The following ROBO2 variants were observed in gnomAD, a reference collection of about 807,000 sequenced individuals.
ROBO2 encodes the protein roundabout guidance receptor 2.
A neutral mutation model predicts 160.8 loss-of-function variants in ROBO2; 53 were observed. The observed-to-expected ratio is 0.33, with a 90% CI of 0.26 to 0.41. ROBO2 has a LOEUF of 0.41. Among genes scored for constraint, ROBO2 ranks in the 10% least tolerant of loss-of-function variants. The probability of loss-of-function intolerance (pLI) is 1.00; values close to 1 mark genes in which losing one functional copy is unlikely to be tolerated. For missense variants in ROBO2, 1,577 were observed against 1,722.4 expected (o/e 0.92, Z 1.49); for synonymous variants, 664 against 611.7 (o/e 1.09, Z -1.26).
intron 2 of ROBO2, among the ~76,000 whole-genome samples, chr3:76,650,537 T>C (rs1427366882): frequency 1.3e-5 from 2 of 152,076 alleles, no homozygotes; most frequent in Non-Finnish European, 2.9e-5. Flanking sequence ...GTTTCTATTC[T>C]TACTGAAGTG....
chr3:77,539,127 C>T lies in ROBO2; in HGVS notation c.935-7211C>T, dbSNP rs1027914737. On this transcript the variant is annotated intron_variant, in intron 6 of 25. Coordinates refer to ENST00000461745, the Ensembl canonical transcript of ROBO2. ...TGGAGACGAGGTTTCACCATGTTGC[C>T]CAGGCTGATCTCAAACTCCAGAGCT... Among the ~76,000 whole-genome samples, 3 of 152,102 alleles carry T rather than the reference C, an allele frequency of 2.0e-5. No homozygotes were observed. In the East Asian group the frequency reaches 5.8e-4, roughly 29 times the overall value.
At chr3:76,954,034 G>A (rs1231824588) in intron 2 of ROBO2, among the ~76,000 whole-genome samples, 1 of 152,144 alleles carries the variant, frequency 6.6e-6, no homozygotes, top group Non-Finnish European at 1.5e-5. Context: ...GACTTACAAC[G>A]AAACGAGAGA....
intron 2 of ROBO2, among the ~76,000 whole-genome samples, chr3:77,213,096 A>G (rs1016627565): frequency 6.6e-6 from 1 of 152,048 alleles, no homozygotes; most frequent in African/African-American, 2.4e-5. Flanking sequence ...CTCATAAAAT[A>G]AGTTAGAGAT....
At chr3:76,618,727 A>G (rs2088800111) in intron 2 of ROBO2, among the ~76,000 whole-genome samples, 1 of 151,806 alleles carries the variant, frequency 6.6e-6, no homozygotes, top group Non-Finnish European at 1.5e-5. Flanking sequence ...CAAATGTACA[A>G]TATTACATTT....
intron 2 of ROBO2, among the ~76,000 whole-genome samples, chr3:76,643,810 A>G (rs1448594416): frequency 6.6e-6 from 1 of 152,248 alleles, no homozygotes; most frequent in African/African-American, 2.4e-5. Context: ...CCTGGGCCCA[A>G]TTAAATTTCC....
At chr3:76,011,313 G>A (rs1217591990) in intron 2 of ROBO2, among the ~76,000 whole-genome samples, 1 of 152,166 alleles carries the variant, frequency 6.6e-6, no homozygotes, top group African/African-American at 2.4e-5. Flanking sequence ...CTGCCAGCCC[G>A]TGATTCAGGT....
At chr3:77,587,566 A>G (rs952147629) in intron 16 of ROBO2, among the ~76,000 whole-genome samples, 18 of 152,060 alleles carry the variant, frequency 1.2e-4, no homozygotes, top group Admixed American at 3.9e-4. Context: ...CCCAAAATAT[A>G]TGAAGTAGAC....
At chr3:77,514,734 G>C (rs79844332) in intron 5 of ROBO2, among the ~76,000 whole-genome samples, 1,947 of 151,862 alleles carry the variant, frequency 0.013, 16 homozygotes, top group Non-Finnish European at 0.018. Context: ...GCTTTGAAGG[G>C]AGAAATGCAT....
intron 2 of ROBO2, among the ~76,000 whole-genome samples, chr3:76,858,135 G>A (rs527253651): frequency 4.6e-5 from 7 of 151,656 alleles, no homozygotes; most frequent in African/African-American, 1.7e-4. Context: ...GCACTCGCTA[G>A]TACACTCCCA....
At chr3:76,234,281 T>C (rs1186522782) in intron 2 of ROBO2, among the ~76,000 whole-genome samples, 2 of 152,182 alleles carry the variant, frequency 1.3e-5, no homozygotes, top group African/African-American at 2.4e-5. Context: ...CATATGTCTT[T>C]ATGGTAGAAT....
chr3:76,926,991 C>T (rs1267157142), intron 2 of ROBO2, among the ~76,000 whole-genome samples: 2 of 151,872 alleles, frequency 1.3e-5, no homozygotes, highest in Non-Finnish European at 2.9e-5. Flanking sequence ...TCCTGTTGCC[C>T]AGCCTCACTT....
chr3:77,629,008 C>T (rs906280377), intron 23 of ROBO2: 2 of 152,196 alleles, frequency 1.3e-5, no homozygotes, highest in Admixed American at 1.3e-4. Flanking sequence ...ATGTGACTCT[C>T]TCTTCCCAGA....
chr3:76,748,807 C>A (rs2093933783), intron 2 of ROBO2, among the ~76,000 whole-genome samples: 1 of 151,792 alleles, frequency 6.6e-6, no homozygotes, highest in Admixed American at 6.6e-5. Flanking sequence ...TGTACATATT[C>A]TTTGACCCAG....
intron 2 of ROBO2, among the ~76,000 whole-genome samples, chr3:76,204,995 A>G (rs1313326159): frequency 6.6e-6 from 1 of 152,180 alleles, no homozygotes; most frequent in Non-Finnish European, 1.5e-5. Flanking sequence ...AATTTTAAAA[A>G]TCTTTATTTG....
chr3:77,043,124 C>CT (rs1408747499), intron 1 of ROBO2, among the ~76,000 whole-genome samples: 4 of 152,170 alleles, frequency 2.6e-5, no homozygotes, highest in African/African-American at 9.7e-5. Flanking sequence ...GCCCTCTAGG[C>CT]TGTTTCAGCA....
intron 2 of ROBO2, among the ~76,000 whole-genome samples, chr3:77,028,422 A>C (rs1025722180): frequency 2.6e-5 from 4 of 152,160 alleles, no homozygotes; most frequent in African/African-American, 7.2e-5. Context: ...TAACAAAACT[A>C]TCTGACATCT....
At chr3:76,560,083 C>A (rs1013065759) in intron 2 of ROBO2, among the ~76,000 whole-genome samples, 1 of 151,930 alleles carries the variant, frequency 6.6e-6, no homozygotes, top group African/African-American at 2.4e-5. Context: ...TAATTTGCTT[C>A]TCTTTTATTT....
intron 2 of ROBO2, among the ~76,000 whole-genome samples, chr3:77,254,878 G>A (rs1372421): frequency 2.0e-5 from 3 of 152,064 alleles, no homozygotes; most frequent in Non-Finnish European, 2.9e-5. Flanking sequence ...TAAAAACAAG[G>A]TCAGATCTTC....
intron 2 of ROBO2, among the ~76,000 whole-genome samples, chr3:76,237,803 A>G (rs1412887533): frequency 1.3e-5 from 2 of 152,226 alleles, no homozygotes; most frequent in Non-Finnish European, 1.5e-5. Context: ...GTAGAGTATG[A>G]GATTGGAGCG....
Sources: gnomAD v4.1 joint callset for allele counts (sites outside exome capture counted in the v4.1 genomes callset) on GRCh38, gnomAD v4.1.1 for gene constraint, MANE v1.5 for transcripts, NCBI Gene and HGNC (gene_info 2026-07-23, HGNC 2026-07-21) for gene names.